MCM3AP: variants seen among roughly 807,000 people sequenced by gnomAD.
MCM3AP encodes the protein germinal-center associated nuclear protein.
MCM3AP carries 126 observed loss-of-function variants against 184.1 expected under a neutral mutation model. That is an observed-to-expected ratio of 0.68 (90% CI 0.59 to 0.79). The LOEUF (loss-of-function observed/expected upper bound fraction) is 0.79, where lower values mean the gene tolerates loss of function less well. MCM3AP is among the 30% of genes least tolerant of loss of function. The pLI is 0.00. For synonymous variants in MCM3AP, 1,002 were observed against 979.3 expected (o/e 1.02, Z -0.43); for missense variants, 2,496 against 2,479.2 (o/e 1.01, Z -0.14).
At chr21:46,278,213 C>A (rs1260994119) in intron 4 of MCM3AP, among the ~76,000 whole-genome samples, 1 of 151,610 alleles carries the variant, frequency 6.6e-6, no homozygotes, top group Non-Finnish European at 1.5e-5. Context: ...TGAACACTTA[C>A]TGATTTCTAT....
chr21:46,239,982 C>T (rs765864079), intron 26 of MCM3AP, among the ~76,000 whole-genome samples: 14 of 152,028 alleles, frequency 9.2e-5, no homozygotes, highest in Non-Finnish European at 1.5e-4. Context: ...GTATCACAAG[C>T]GTTTTTGAGG....
rs150158473 is a variant in MCM3AP at position 46,254,796 on chromosome 21, G to A, written c.3981C>T (p.His1327=). The part of the protein sequence containing the change: ...NKTAHQMKVQ[H]FYQQLLSDVA... ...CAGACCTCAGCAGCTGCTGGTAGAA[G>A]TGCTGAACCTTCATCTGGTGAGCTG... The change falls in exon 18 of 28, where the codon CAC becomes CAT. Residue 1327 remains histidine (H), a synonymous_variant. Coordinates refer to ENST00000291688, the MANE Select transcript of MCM3AP (RefSeq NM_003906.5). The A allele has an allele frequency of 3.3e-5, 53 of 1,613,950 alleles. No individual in the cohort carries two copies. The highest frequency in any genetic ancestry group is 4.5e-5 in the Non-Finnish European group (53 of 1,179,962).
intron 21 of MCM3AP, 77 bp from the exon 22 acceptor site, chr21:46,246,481 C>G (rs1373367259): frequency 7.3e-7 from 1 of 1,372,836 alleles, no homozygotes; most frequent in Admixed American, 1.7e-5. Flanking sequence ...CTGTGCTGAC[C>G]CCACCCAGTC....
At chr21:46,251,320 G>A in intron 20 of MCM3AP, 1 of 418,052 alleles carries the variant, frequency 2.4e-6, no homozygotes, top group Non-Finnish European at 4.3e-6. Flanking sequence ...AAAGAAGCAG[G>A]CTGGGCTTGG....
Position 46,251,753 on chromosome 21 carries a change from G to A in MCM3AP, c.4137-71C>T, listed in dbSNP as rs532932660. ...TCTAATTCTATATTTGAATTATAAA[G>A]ACTTTCAGGAAAAGAAGAAAGAAAA... On this transcript the variant is annotated intron_variant, in intron 19 of 27. Transcript: ENST00000291688. The A allele has an allele frequency of 8.2e-6, 8 of 971,852 alleles. No individual in the cohort carries two copies. In the South Asian group the frequency reaches 9.8e-5, roughly 12 times the overall value. 60.2% of individuals were successfully genotyped at this position (971,852 alleles called of 1,614,324 possible).
Position 46,235,379 on chromosome 21 carries a change from C to G in MCM3AP, c.5832G>C (p.Thr1944=), listed in dbSNP as rs577520453. 1.9e-6 allele frequency: 3 copies of G among 1,614,014 alleles called. No individual in the cohort carries two copies. Among genetic ancestry groups the G allele is most frequent in the South Asian group, 1.1e-5 (1 of 91,084 alleles). The change falls in exon 28 of 28, where the codon ACG becomes ACC. Residue 1944 remains threonine (T), a synonymous_variant. Coordinates refer to ENST00000291688, the MANE Select transcript of MCM3AP (RefSeq NM_003906.5). ...EQLQLSEATG[T]CLGERLKHLE... The stretch of plus-strand genomic sequence containing the variant: ...GGTGCTTTAGTCGTTCGCCTAGACA[C>G]GTTCCTGTCGCCTCTGACAGCTGCA...
chr21:46,263,558 T>C (rs971088275), intron 13 of MCM3AP, among the ~76,000 whole-genome samples: 1 of 150,788 alleles, frequency 6.6e-6, no homozygotes, highest in Admixed American at 6.6e-5. Context: ...CTGAGGCAGG[T>C]GGATCACTTG....
chr21:46,270,126 A>G, intron 9 of MCM3AP: 1 of 299,400 alleles, frequency 3.3e-6, no homozygotes. Flanking sequence ...ATGGATGATG[A>G]TAGTGCTGAA....
chr21:46,260,876 A>T lies in MCM3AP; in HGVS notation c.3498T>A (p.Ser1166Arg). The T allele has an allele frequency of 6.2e-7, 1 of 1,613,914 alleles. No homozygotes were observed. Among genetic ancestry groups the T allele is most frequent in the Non-Finnish European group, 8.5e-7 (1 of 1,179,760 alleles). ...RLKQERELVL[S>R]ELSQGLAVEL... ...CCACGGCCAGGCCCTGGCTCAGCTC[A>T]CTTAACACCAGCTCTCTCTCTTGTT... The change falls in exon 15 of 28, where the codon AGT (serine) becomes AGA (arginine). Residue 1166 changes from serine (S) to arginine (R), a missense_variant. Transcript: ENST00000291688.
At chr21:46,271,818 A>G (rs573298224) in intron 8 of MCM3AP, among the ~76,000 whole-genome samples, 19 of 152,166 alleles carry the variant, frequency 1.2e-4, no homozygotes, top group African/African-American at 4.3e-4. Context: ...CCAAGATCGC[A>G]CTACTGTACT....
At position 46,284,423 on chromosome 21, in the gene MCM3AP, C is replaced by A. The variant is rs1601553025; in HGVS notation, c.864G>T (p.Met288Ile). The change falls in exon 1 of 28, where the codon ATG (methionine) becomes ATT (isoleucine). Residue 288 changes from methionine (M) to isoleucine (I), a missense_variant. Physicochemically the swap from Met to Ile is conservative, Grantham distance 10. This residue lies in a region of MCM3AP where 800 missense variants were observed against 717.1 expected (regional missense o/e 1.12). Coordinates refer to ENST00000291688, the MANE Select transcript of MCM3AP (RefSeq NM_003906.5). ...GGTCCTCCTTCCTTTTCAGTCCTTT[C>A]ATTAGGCTGGGAAGTGGTTCCACCT... Reference protein sequence around the residue: ...VSQVEPLPSLMKGLKRKEDQD... With the variant: ...VSQVEPLPSLIKGLKRKEDQD... 6 of 1,614,164 alleles carry A rather than the reference C, an allele frequency of 3.7e-6. No homozygotes were observed. The highest frequency in any genetic ancestry group is 5.1e-6 in the Non-Finnish European group (6 of 1,180,026).
chr21:46,249,867 A>C (rs539325610), intron 20 of MCM3AP: 1 of 220,524 alleles, frequency 4.5e-6, no homozygotes, highest in East Asian at 1.4e-4. Flanking sequence ...AAATAGGGAT[A>C]ATAAGTAACA....
At chr21:46,251,842 G>C in intron 19 of MCM3AP, 160 bp from the exon 20 acceptor site, 1 of 482,580 alleles carries the variant, frequency 2.1e-6, no homozygotes, top group East Asian at 3.0e-5. Flanking sequence ...GCACAAAACA[G>C]GCTGTTGTTT....
chr21:46,262,071 G>A (rs1683026042), intron 13 of MCM3AP, among the ~76,000 whole-genome samples: 1 of 152,148 alleles, frequency 6.6e-6, no homozygotes. Context: ...GCTGCCAGCA[G>A]AAAAATTAAG....
intron 19 of MCM3AP, 73 bp from the exon 20 acceptor site, chr21:46,251,755 C>A: frequency 1.0e-6 from 1 of 972,100 alleles, no homozygotes; most frequent in Non-Finnish European, 1.5e-6. Context: ...ATTATAAAGA[C>A]TTTCAGGAAA....
At position 46,256,940 on chromosome 21, in the gene MCM3AP, G is replaced by C. The variant is rs753685498; in HGVS notation, c.3781C>G (p.Arg1261Gly). Residue 1261 changes from arginine (R) to glycine (G), a missense_variant, in exon 17 of 28, where the codon CGG becomes GGG. By Grantham distance (125) the Arg-to-Gly change is moderately radical (BLOSUM62 -2). Around this residue, in one of 5 missense-constraint regions of MCM3AP, gnomAD observed 1,323 missense variants for 1,273.4 expected, o/e 1.04. Transcript: ENST00000291688. ...TARKKLRRQM[R>G]AFPAAPCCVD... ...CAGCAGGGCGCAGCAGGGAAAGCCC[G>C]CATTTGGCGCCTCAGTTTCTTGCGG... 6.2e-7 allele frequency: 1 copy of C among 1,612,250 alleles called. No homozygotes were observed. The highest frequency in any genetic ancestry group is 8.5e-7 in the Non-Finnish European group (1 of 1,179,236).
In MCM3AP at chr21:46,256,996, T is replaced by G; in HGVS notation, c.3735-10A>C. The G allele has an allele frequency of 6.2e-7, 1 of 1,607,114 alleles. No homozygotes were observed. Among genetic ancestry groups the G allele is most frequent in the South Asian group, 1.1e-5 (1 of 89,918 alleles). ...GACAGCTTCCCTCCACCTGGGGACA[T>G]GAAAATGTATCATCACAGAGTGTTT... On this transcript the variant is annotated splice_polypyrimidine_tract_variant and intron_variant, in intron 16 of 27. Coordinates refer to ENST00000291688, the MANE Select transcript of MCM3AP (RefSeq NM_003906.5).
intron 5 of MCM3AP, among the ~76,000 whole-genome samples, chr21:46,276,959 A>G (rs1357784176): frequency 6.6e-6 from 1 of 151,724 alleles, no homozygotes; most frequent in South Asian, 2.1e-4. Flanking sequence ...CATGTTGGCC[A>G]GGCTAGTCTT....
rs566740843 is a variant in MCM3AP, at chr21:46,242,702, C to T, written c.5426+100G>A. The T allele has an allele frequency of 5.8e-6, 7 of 1,214,134 alleles. No individual in the cohort carries two copies. In the African/African-American group the frequency reaches 1.1e-4, roughly 18 times the overall value. The allele number at this position is 1,214,134 out of a possible 1,614,324, so 75.2% of individuals were successfully genotyped here. ...TTGAGGATTTGTCACAGTCTGCCCA[C>T]AGTGGACTGGATTTGGCATGTAGGA... On this transcript the variant is annotated intron_variant, in intron 25 of 27. Coordinates refer to ENST00000291688, the MANE Select transcript of MCM3AP (RefSeq NM_003906.5).
Sources: gnomAD v4.1 joint callset for allele counts (sites outside exome capture counted in the v4.1 genomes callset) on GRCh38, gnomAD v4.1.1 for gene constraint, gnomAD v4.1.1 regional missense constraint, MANE v1.5 for transcripts, NCBI Gene and HGNC (gene_info 2026-07-23, HGNC 2026-07-21) for gene names.